ARHGAP15: variants seen among roughly 807,000 people sequenced by gnomAD.
ARHGAP15 encodes rho GTPase-activating protein 15.
ARHGAP15 carries 51 observed loss-of-function variants against 63.7 expected under a neutral mutation model. The ratio of observed to expected loss-of-function variants is 0.80; its 90% CI spans 0.64 to 1.01. ARHGAP15 has a LOEUF of 1.01. ARHGAP15 is among the 50% of genes least tolerant of loss of function. The pLI is 0.00. For missense variants in ARHGAP15, 560 were observed against 564.6 expected (o/e 0.99, Z 0.08); for synonymous variants, 191 against 193.8 (o/e 0.99, Z 0.12).
chr2:143,344,504 C>A (rs1685185646), intron 6 of ARHGAP15, among the ~76,000 whole-genome samples: 1 of 152,038 alleles, frequency 6.6e-6, no homozygotes, highest in South Asian at 2.1e-4. Flanking sequence ...TTAAATAAAA[C>A]CTCTCTCTGG....
At chr2:143,255,939 C>G (rs1419600424) in intron 6 of ARHGAP15, among the ~76,000 whole-genome samples, 1 of 152,116 alleles carries the variant, frequency 6.6e-6, no homozygotes, top group Non-Finnish European at 1.5e-5. Context: ...TTTCATCTAC[C>G]TATTAGATAT....
At chr2:143,290,360 T>A (rs944723569) in intron 6 of ARHGAP15, among the ~76,000 whole-genome samples, 5 of 151,944 alleles carry the variant, frequency 3.3e-5, no homozygotes, top group African/African-American at 1.2e-4. Context: ...AGTGGTGGTG[T>A]TTAAGGGTTA....
intron 2 of ARHGAP15, among the ~76,000 whole-genome samples, chr2:143,178,966 C>T (rs1179996406): frequency 6.6e-6 from 1 of 152,230 alleles, no homozygotes; most frequent in African/African-American, 2.4e-5. Context: ...GAAAGCAACA[C>T]TAAAATCCTA....
intron 1 of ARHGAP15, among the ~76,000 whole-genome samples, chr2:143,153,906 CTCT>C (rs1262774161): frequency 1.5e-5 from 2 of 131,028 alleles, no homozygotes; most frequent in Admixed American, 1.8e-4. Context: ...CCTCCTATTC[CTCT>C]TCTTTTTTTT....
intron 8 of ARHGAP15, among the ~76,000 whole-genome samples, chr2:143,450,506 T>TA (rs1029639956): frequency 4.2e-4 from 64 of 151,558 alleles, no homozygotes; most frequent in African/African-American, 1.4e-3. Context: ...ACTTGTGAAT[T>TA]AAAAAAAAAT....
chr2:143,385,639 C>T (rs919910923), intron 6 of ARHGAP15, among the ~76,000 whole-genome samples: 2 of 152,072 alleles, frequency 1.3e-5, no homozygotes, highest in South Asian at 4.1e-4. Context: ...ATGGGACACT[C>T]AGTGTAACCA....
At chr2:143,765,109 A>ATGTGTGTG (rs60894627) in intron 13 of ARHGAP15, among the ~76,000 whole-genome samples, 2,056 of 147,590 alleles carry the variant, frequency 0.014, 37 homozygotes, top group African/African-American at 0.04. Context: ...CCTCTAAAAT[A>ATGTGTGTG]TGTGTGTGTG....
chr2:143,446,693 A>G (rs1347267127), intron 8 of ARHGAP15, among the ~76,000 whole-genome samples: 1 of 151,396 alleles, frequency 6.6e-6, no homozygotes, highest in Non-Finnish European at 1.5e-5. Context: ...TTAGTTACAT[A>G]TGTATACATG....
chr2:143,136,639 G>T (rs535242117), intron 1 of ARHGAP15, among the ~76,000 whole-genome samples: 2 of 151,698 alleles, frequency 1.3e-5, no homozygotes, highest in Admixed American at 6.6e-5. Flanking sequence ...CATGAAAACC[G>T]TTAAGTCTCC....
At chr2:143,673,456 C>T (rs1045150080) in intron 12 of ARHGAP15, among the ~76,000 whole-genome samples, 17 of 151,822 alleles carry the variant, frequency 1.1e-4, no homozygotes, top group Non-Finnish European at 2.1e-4. Context: ...TGCCACCACG[C>T]CCAGCCAATT....
intron 11 of ARHGAP15, among the ~76,000 whole-genome samples, chr2:143,616,362 G>A (rs1443311316): frequency 6.6e-6 from 1 of 152,120 alleles, no homozygotes; most frequent in African/African-American, 2.4e-5. Flanking sequence ...AGACAGTCTT[G>A]CTCCTAACTA....
At chr2:143,268,186 T>A (rs1281545140) in intron 6 of ARHGAP15, among the ~76,000 whole-genome samples, 2 of 152,162 alleles carry the variant, frequency 1.3e-5, no homozygotes, top group East Asian at 3.9e-4. Context: ...TTTTTTTTTT[T>A]TTTCCACTTT....
chr2:143,513,835 T>C (rs1693688833), intron 9 of ARHGAP15, among the ~76,000 whole-genome samples: 1 of 152,196 alleles, frequency 6.6e-6, no homozygotes, highest in Non-Finnish European at 1.5e-5. Context: ...CACTCCTTCT[T>C]GCCATGACAG....
intron 5 of ARHGAP15, chr2:143,236,249 G>C: frequency 3.6e-6 from 1 of 279,980 alleles, no homozygotes; most frequent in Non-Finnish European, 6.6e-6. Context: ...TTTTGTATAG[G>C]TTTATTATAA....
chr2:143,341,260 T>C (rs1399925307), intron 6 of ARHGAP15, among the ~76,000 whole-genome samples: 1 of 152,116 alleles, frequency 6.6e-6, no homozygotes, highest in African/African-American at 2.4e-5. Context: ...GAATAGCCCC[T>C]GAACCATAGC....
chr2:143,355,735 A>G (rs1204423208), intron 6 of ARHGAP15, among the ~76,000 whole-genome samples: 1 of 152,190 alleles, frequency 6.6e-6, no homozygotes, highest in Non-Finnish European at 1.5e-5. Context: ...TACCAAAAAA[A>G]TCAGGAAAAA....
chr2:143,145,010 C>T (rs1324959390), intron 1 of ARHGAP15, among the ~76,000 whole-genome samples: 1 of 152,094 alleles, frequency 6.6e-6, no homozygotes, highest in Non-Finnish European at 1.5e-5. Context: ...CTCCCTCATT[C>T]TCCTTAAATG....
intron 8 of ARHGAP15, among the ~76,000 whole-genome samples, chr2:143,442,889 T>C (rs191353966): frequency 3.3e-5 from 5 of 152,238 alleles, no homozygotes; most frequent in African/African-American, 4.8e-5. Flanking sequence ...ACCTGAACCT[T>C]TCAAAGAAAG....
At chr2:143,532,716 T>C (rs1371565300) in intron 10 of ARHGAP15, among the ~76,000 whole-genome samples, 1 of 152,166 alleles carries the variant, frequency 6.6e-6, no homozygotes, top group Non-Finnish European at 1.5e-5. Flanking sequence ...CAAAATAATA[T>C]AGTTTGACCA....
Sources: allele counts gnomAD v4.1 joint callset (sites outside exome capture counted in the v4.1 genomes callset), GRCh38; gene constraint gnomAD v4.1.1; transcripts MANE v1.5; gene names NCBI Gene and HGNC (gene_info 2026-07-23, HGNC 2026-07-21).